The following CISD2 variants were observed in gnomAD, a reference collection of about 807,000 sequenced individuals.
CISD2 encodes the protein CDGSH iron-sulfur domain-containing protein 2.
Under a neutral mutation model 12.9 loss-of-function variants are expected in CISD2, and 1 was observed. The observed-to-expected ratio is 0.08, with a 90% CI of 0.03 to 0.37. CISD2 has a LOEUF of 0.37. CISD2 is among the 10% of genes least tolerant of loss of function. The probability of loss-of-function intolerance (pLI) is 0.99; values close to 1 mark genes in which losing one functional copy is unlikely to be tolerated. For synonymous variants in CISD2, 50 were observed against 60.6 expected, an observed-to-expected ratio of 0.83 and a Z score of 0.81; for missense variants, 97 against 163.1, an observed-to-expected ratio of 0.59 and a Z score of 2.21.
chr4:102,869,224 C>T (rs1180413909), intron 1 of CISD2, 37 bp downstream of exon 1: 3 of 1,576,876 alleles, frequency 1.9e-6, no homozygotes, highest in African/African-American at 1.4e-5. Flanking sequence ...CATCCTTGCA[C>T]GTTCGCCAAG....
At chr4:102,882,524 C>T (rs763405061) in intron 1 of CISD2, among the ~76,000 whole-genome samples, 1 of 152,166 alleles carries the variant, frequency 6.6e-6, no homozygotes, top group Non-Finnish European at 1.5e-5. Context: ...CCTTGCCATT[C>T]TTTGGAGATG....
In CISD2 at chr4:102,890,141, G is replaced by C. The variant is rs1408466556; in HGVS notation, c.*2711G>C. ...TTCATTCATATGGGTAATTAAGCAAGTTGAATTATGGAAAGCACCTCACAA... is the reference window on the plus strand; with the variant it reads ...TTCATTCATATGGGTAATTAAGCAACTTGAATTATGGAAAGCACCTCACAA... On this transcript the variant is annotated 3_prime_UTR_variant, in exon 3 of 3. Coordinates refer to ENST00000273986, the MANE Select transcript of CISD2 (RefSeq NM_001008388.5). 1.3e-5 allele frequency: 2 copies of C among 152,178 alleles called. No homozygotes were observed. Among genetic ancestry groups the C allele is most frequent in the Non-Finnish European group, 2.9e-5 (2 of 68,036 alleles). 9.4% of individuals were successfully genotyped at this position (152,178 alleles called of 1,614,324 possible). A position where few individuals can be genotyped will look rare whatever the true frequency, so the allele number is the denominator to read the frequency against.
chr4:102,875,136 A>T (rs1038828297), intron 1 of CISD2, among the ~76,000 whole-genome samples: 2 of 152,244 alleles, frequency 1.3e-5, no homozygotes, highest in African/African-American at 4.8e-5. Context: ...TTAGTTTCCC[A>T]GACACTTAAT....
At chr4:102,869,208 A>G in intron 1 of CISD2, 21 bp downstream of exon 1, 1 of 1,590,724 alleles carries the variant, frequency 6.3e-7, no homozygotes, top group Non-Finnish European at 8.6e-7. Context: ...CCCATCAGCC[A>G]GTCCCCATCC....
At chr4:102,883,095 A>G (rs1733763329) in intron 1 of CISD2, among the ~76,000 whole-genome samples, 1 of 152,168 alleles carries the variant, frequency 6.6e-6, no homozygotes, top group Admixed American at 6.5e-5. Flanking sequence ...ATGCTTTAAT[A>G]TCTTAGGAGC....
intron 1 of CISD2, chr4:102,874,813 T>G (rs551612039): frequency 6.6e-6 from 1 of 152,262 alleles, no homozygotes; most frequent in South Asian, 2.1e-4. Context: ...TAATGGCCAC[T>G]ACCTTAGTTT....
intron 1 of CISD2, among the ~76,000 whole-genome samples, chr4:102,884,154 G>A (rs1370535054): frequency 6.6e-6 from 1 of 152,122 alleles, no homozygotes; most frequent in Admixed American, 6.5e-5. Context: ...AACAGGCTTT[G>A]GATTTAGGGT....
Position 102,879,166 on chromosome 4 carries a change from CGTG to C in CISD2, c.104-6048_104-6046del, listed in dbSNP as rs1489041102. ...ACCAACCACCAGGTTCCTCCCTTGA[CGTG>C]GGGATTATGGGATTACAATTTGAGA... On this transcript the variant is annotated intron_variant, in intron 1 of 2. Transcript: ENST00000273986. 2.0e-5 allele frequency among the ~76,000 whole-genome samples: 3 copies of C among 151,962 alleles called. No homozygotes were observed. The East Asian group carries it at 5.8e-4, about 29-fold the overall frequency.
In CISD2 at chr4:102,869,045, C is replaced by T; in HGVS notation, c.-40C>T. ...CGCAGGCGCGGCAGCTTGGCCAGAG[C>T]GGAGGGGGCTCGGGAGAGGAGTGGA... On this transcript the variant is annotated 5_prime_UTR_variant, in exon 1 of 3. Transcript: ENST00000273986. 1 of 1,580,546 alleles carries T rather than the reference C, an allele frequency of 6.3e-7. No individual in the cohort carries two copies. The highest frequency in any genetic ancestry group is 8.6e-7 in the Non-Finnish European group (1 of 1,164,594).
At chr4:102,881,447 A>G (rs1224031542) in intron 1 of CISD2, among the ~76,000 whole-genome samples, 1 of 152,252 alleles carries the variant, frequency 6.6e-6, no homozygotes, top group African/African-American at 2.4e-5. Context: ...CTCAATATAA[A>G]TAAATGATAA....
At chr4:102,871,124 T>C (rs750972266) in intron 1 of CISD2, among the ~76,000 whole-genome samples, 3 of 152,222 alleles carry the variant, frequency 2.0e-5, no homozygotes, top group African/African-American at 4.8e-5. Flanking sequence ...GAATTACCTA[T>C]GTTTTTTCCA....
intron 1 of CISD2, among the ~76,000 whole-genome samples, chr4:102,873,297 C>T (rs1733507883): frequency 6.6e-6 from 1 of 152,120 alleles, no homozygotes; most frequent in South Asian, 2.1e-4. Context: ...GAAAGGGTTT[C>T]ACTCTGTTGC....
At position 102,879,900 on chromosome 4, in the gene CISD2, ATAAGGTCCCTGCCCTTG is replaced by A. The variant is rs1429892486; in HGVS notation, c.104-5313_104-5297del. ...ACTGGGGACACAGATGATCAGACAA[ATAAGGTCCCTGCCCTTG>A]TATCTCTCTTTTTCTTTTATTTTTT... On this transcript the variant is annotated intron_variant, in intron 1 of 2. Coordinates refer to ENST00000273986, the MANE Select transcript of CISD2 (RefSeq NM_001008388.5). 7.2e-5 allele frequency among the ~76,000 whole-genome samples: 11 copies of A among 152,282 alleles called. No individual in the cohort carries two copies. In the East Asian group the frequency reaches 1.9e-3, roughly 27 times the overall value.
chr4:102,884,462 G>A (rs1733810347), intron 1 of CISD2, among the ~76,000 whole-genome samples: 1 of 152,184 alleles, frequency 6.6e-6, no homozygotes, highest in African/African-American at 2.4e-5. Context: ...AAAGAGCCCA[G>A]CAGAGGCAGG....
chr4:102,878,332 T>C (rs1201015727), intron 1 of CISD2, among the ~76,000 whole-genome samples: 1 of 152,154 alleles, frequency 6.6e-6, no homozygotes, highest in Non-Finnish European at 1.5e-5. Flanking sequence ...GGTTTCACCA[T>C]GTTGGCCAGG....
At chr4:102,875,448 CT>C (rs1733571011) in intron 1 of CISD2, among the ~76,000 whole-genome samples, 1 of 152,202 alleles carries the variant, frequency 6.6e-6, no homozygotes, top group Non-Finnish European at 1.5e-5. Context: ...TCTTCAGTAC[CT>C]GTCCCACCAC....
At chr4:102,881,084 A>T (rs1733709581) in intron 1 of CISD2, among the ~76,000 whole-genome samples, 1 of 152,310 alleles carries the variant, frequency 6.6e-6, no homozygotes, top group South Asian at 2.1e-4. Flanking sequence ...AGCTGAACAT[A>T]TATCAAACAG....
chr4:102,888,766 C>T lies in CISD2; in HGVS notation c.*1336C>T, dbSNP rs992035286. ...GGCCAGGCTGGGCAACCTAGTGCTC[C>T]GCCTCTGCTGGGCTCTGTAGGGAAT... On this transcript the variant is annotated 3_prime_UTR_variant, in exon 3 of 3. Transcript: ENST00000273986. 6 of 152,326 alleles carry T rather than the reference C, an allele frequency of 3.9e-5. No individual in the cohort carries two copies. Among genetic ancestry groups the T allele is most frequent in the East Asian group, 3.9e-4 (2 of 5,188 alleles). The allele number at this position is 152,326 out of a possible 1,614,324, so 9.4% of individuals were successfully genotyped here. A position where few individuals can be genotyped will look rare whatever the true frequency, so the allele number is the denominator to read the frequency against.
At chr4:102,873,686 G>A (rs1337594892) in intron 1 of CISD2, among the ~76,000 whole-genome samples, 1 of 143,936 alleles carries the variant, frequency 6.9e-6, no homozygotes, top group Non-Finnish European at 1.5e-5. Context: ...TGCTTGAGTC[G>A]TGGCACTACA....
Sources: allele counts gnomAD v4.1 joint callset (sites outside exome capture counted in the v4.1 genomes callset), GRCh38; gene constraint gnomAD v4.1.1; transcripts MANE v1.5; gene names NCBI Gene and HGNC (gene_info 2026-07-23, HGNC 2026-07-21).